SLC2A10: variants seen among roughly 807,000 people sequenced by gnomAD.
The protein encoded by SLC2A10 is solute carrier family 2, facilitated glucose transporter member 10.
Under a neutral mutation model 32.1 loss-of-function variants are expected in SLC2A10, and 25 were observed. The ratio of observed to expected loss-of-function variants is 0.78; its 90% CI spans 0.57 to 1.09. SLC2A10 has a LOEUF of 1.09. Among genes scored for constraint, SLC2A10 ranks in the 50% least tolerant of loss-of-function variants. The pLI, the probability that SLC2A10 is intolerant of heterozygous loss-of-function variation, is 0.00. For missense variants in SLC2A10, 673 were observed against 686.5 expected (o/e 0.98, Z 0.22); for synonymous variants, 332 against 309.6 (o/e 1.07, Z -0.76).
chr20:46,733,063 C>T (rs1186120193), intron 4 of SLC2A10, among the ~76,000 whole-genome samples: 13 of 152,016 alleles, frequency 8.6e-5, no homozygotes, highest in Admixed American at 8.5e-4. Context: ...ATGATGGTCT[C>T]CTTCTGAGCA....
Position 46,725,920 on chromosome 20 carries a change from G to T in SLC2A10, c.884G>T (p.Gly295Val). 1 of 1,614,018 alleles carries T rather than the reference G, an allele frequency of 6.2e-7. No individual in the cohort carries two copies. Among genetic ancestry groups the T allele is most frequent in the Non-Finnish European group, 8.5e-7 (1 of 1,180,018 alleles). The change falls in exon 2 of 5, where the codon GGC (glycine) becomes GTC (valine). Residue 295 changes from glycine to valine, a missense_variant. Physicochemically the swap from Gly to Val is moderately radical, Grantham distance 109. Coordinates refer to ENST00000359271, the MANE Select transcript of SLC2A10 (RefSeq NM_030777.4). Reference protein sequence around the residue: ...LTAMGLVDRAGRRALLLAGCA... With the variant: ...LTAMGLVDRAVRRALLLAGCA... ...GCCATGGGGCTGGTGGACCGTGCAG[G>T]CCGCAGGGCTCTGTTGCTAGCTGGC...
rs1979813449 is a variant in SLC2A10, at chr20:46,725,214, C to G, written c.178C>G (p.Leu60Val). ...GGGCAGCCTGCTCCTGGGGGCTCTCCTCGCCTCCCTGGTTGGTGGCTTCCT... is the reference window on the plus strand; with the variant it reads ...GGGCAGCCTGCTCCTGGGGGCTCTCGTCGCCTCCCTGGTTGGTGGCTTCCT... ...LVGSLLLGAL[L>V]ASLVGGFLID... Residue 60 changes from leucine to valine, a missense_variant, in exon 2 of 5, where the codon CTC (leucine) becomes GTC (valine). Transcript: ENST00000359271. 6.2e-7 allele frequency: 1 copy of G among 1,613,978 alleles called. No individual in the cohort carries two copies.
rs550493533 is a variant in SLC2A10 at position 46,723,727 on chromosome 20, C to T, written c.5-1314C>T. On this transcript the variant is annotated intron_variant, in intron 1 of 4. Transcript: ENST00000359271. ...TCTCCTGCCTCATCATCTCCCATCACTCTCACTCACTGGGCTTCAGCCTCT... is the reference window on the plus strand; with the variant it reads ...TCTCCTGCCTCATCATCTCCCATCATTCTCACTCACTGGGCTTCAGCCTCT... 4.6e-5 allele frequency among the ~76,000 whole-genome samples: 7 copies of T among 152,292 alleles called. No individual in the cohort carries two copies. The South Asian group carries it at 1.2e-3, about 27-fold the overall frequency.
intron 1 of SLC2A10, among the ~76,000 whole-genome samples, chr20:46,712,788 G>A (rs1354966439): frequency 6.6e-6 from 1 of 150,914 alleles, no homozygotes; most frequent in African/African-American, 2.4e-5. Flanking sequence ...CAAGTAGCTG[G>A]AATTACAGGT....
chr20:46,729,647 T>TG (rs1980182786), intron 4 of SLC2A10, among the ~76,000 whole-genome samples, 159 bp downstream of exon 4: 1 of 116,944 alleles, frequency 8.6e-6, no homozygotes, highest in Admixed American at 9.0e-5. Context: ...TTTTTTTTTT[T>TG]TTTTTTTTTT....
intron 4 of SLC2A10, among the ~76,000 whole-genome samples, chr20:46,729,842 C>G (rs1336028110): frequency 6.6e-6 from 1 of 151,854 alleles, no homozygotes; most frequent in Non-Finnish European, 1.5e-5. Flanking sequence ...CGGGGTTTCA[C>G]CGTGGTCTCG....
At chr20:46,716,554 T>G (rs1424750879) in intron 1 of SLC2A10, among the ~76,000 whole-genome samples, 1 of 152,036 alleles carries the variant, frequency 6.6e-6, no homozygotes, top group Non-Finnish European at 1.5e-5. Context: ...AGGGTGGGGG[T>G]GCATGACATA....
chr20:46,716,572 C>T (rs1979253431), intron 1 of SLC2A10, among the ~76,000 whole-genome samples: 1 of 152,102 alleles, frequency 6.6e-6, no homozygotes. Flanking sequence ...ATAGATACTG[C>T]TGGATTATTC....
rs1980528857 is a variant in SLC2A10, at chr20:46,735,600, C to T, written c.*1766C>T. 6.6e-6 allele frequency: 1 copy of T among 152,142 alleles called. No individual in the cohort carries two copies. Among genetic ancestry groups the T allele is most frequent in the Admixed American group, 6.5e-5 (1 of 15,272 alleles). 9.4% of individuals were successfully genotyped at this position (152,142 alleles called of 1,614,324 possible). ...TTCCTGATTCCCCACTCAATGACATCATGTTAGTCTTTGGTTGCTTAACTG... is the reference window on the plus strand; with the variant it reads ...TTCCTGATTCCCCACTCAATGACATTATGTTAGTCTTTGGTTGCTTAACTG... On this transcript the variant is annotated 3_prime_UTR_variant, in exon 5 of 5. Coordinates refer to ENST00000359271, the MANE Select transcript of SLC2A10 (RefSeq NM_030777.4).
At chr20:46,732,045 C>T (rs897781713) in intron 4 of SLC2A10, among the ~76,000 whole-genome samples, 1 of 152,176 alleles carries the variant, frequency 6.6e-6, no homozygotes, top group Non-Finnish European at 1.5e-5. Flanking sequence ...CCGGTAGAGC[C>T]GTCACCCACT....
At position 46,734,140 on chromosome 20, in the gene SLC2A10, CT is replaced by C; in HGVS notation, c.*310del. ...TATGAAGTCTTTGTTGCACCATGGACTTTTCTCAAAGAATCTCAAGGGTACC... is the reference window on the plus strand; with the variant it reads ...TATGAAGTCTTTGTTGCACCATGGACTTTCTCAAAGAATCTCAAGGGTACC... On this transcript the variant is annotated 3_prime_UTR_variant, in exon 5 of 5. Transcript: ENST00000359271. 2 of 449,184 alleles carry C rather than the reference CT, an allele frequency of 4.5e-6. No homozygotes were observed. 27.8% of individuals were successfully genotyped at this position (449,184 alleles called of 1,614,324 possible).
At chr20:46,711,911 G>A (rs1392467255) in intron 1 of SLC2A10, among the ~76,000 whole-genome samples, 1 of 152,144 alleles carries the variant, frequency 6.6e-6, no homozygotes, top group Non-Finnish European at 1.5e-5. Context: ...ACCTATATCT[G>A]GTAAATGGTG....
intron 1 of SLC2A10, chr20:46,710,288 G>A (rs998504374): frequency 1.3e-4 from 48 of 376,916 alleles, no homozygotes; most frequent in Non-Finnish European, 1.4e-5. Flanking sequence ...TTGCCACTCG[G>A]GACTAGGGCT....
intron 1 of SLC2A10, among the ~76,000 whole-genome samples, chr20:46,712,944 C>T (rs1979017425): frequency 6.6e-6 from 1 of 152,066 alleles, no homozygotes; most frequent in African/African-American, 2.4e-5. Context: ...CATGAGCCAC[C>T]GAGCCCAGCC....
At chr20:46,711,075 G>A (rs550448916) in intron 1 of SLC2A10, among the ~76,000 whole-genome samples, 2 of 146,236 alleles carry the variant, frequency 1.4e-5, no homozygotes, top group African/African-American at 2.7e-5. Flanking sequence ...GTTTCACCAT[G>A]TTGGCCAGGA....
chr20:46,717,944 A>G (rs1320404987), intron 1 of SLC2A10, among the ~76,000 whole-genome samples: 1 of 152,168 alleles, frequency 6.6e-6, no homozygotes, highest in Non-Finnish European at 1.5e-5. Context: ...CTTGACTGCC[A>G]TGCATGGTGA....
At chr20:46,731,667 G>A (rs1374474322) in intron 4 of SLC2A10, among the ~76,000 whole-genome samples, 2 of 152,120 alleles carry the variant, frequency 1.3e-5, no homozygotes, top group African/African-American at 4.8e-5. Flanking sequence ...GAGAAGACAG[G>A]AAGTTAGGGG....
chr20:46,729,317 G>T (rs1350846758), intron 3 of SLC2A10, 36 bp from the exon 4 acceptor site: 2 of 1,612,414 alleles, frequency 1.2e-6, no homozygotes. Context: ...CAGAGTGCTT[G>T]GTCCTGGGCC....
chr20:46,721,590 A>G (rs888777413), intron 1 of SLC2A10, among the ~76,000 whole-genome samples: 19 of 152,222 alleles, frequency 1.2e-4, no homozygotes, highest in African/African-American at 3.9e-4. Flanking sequence ...TGGTTGGCTC[A>G]TGTAACGAGA....
Sources: gnomAD v4.1 joint callset for allele counts (sites outside exome capture counted in the v4.1 genomes callset) on GRCh38, gnomAD v4.1.1 for gene constraint, MANE v1.5 for transcripts, NCBI Gene and HGNC (gene_info 2026-07-23, HGNC 2026-07-21) for gene names.